The following CWC22 variants were observed in gnomAD, a reference collection of about 807,000 sequenced individuals.
CWC22 encodes pre-mRNA-splicing factor CWC22 homolog.
A neutral mutation model predicts 117.2 loss-of-function variants in CWC22; 53 were observed. The observed-to-expected ratio is 0.45, with a 90% CI of 0.36 to 0.57. The LOEUF (loss-of-function observed/expected upper bound fraction) is 0.57. Among genes scored for constraint, CWC22 ranks in the 20% least tolerant of loss-of-function variants. CWC22 has a pLI of 0.00. For synonymous variants in CWC22, 360 were observed against 355.6 expected (o/e 1.01, Z -0.14); for missense variants, 980 against 1,068.8 (o/e 0.92, Z 1.16).
chr2:179,954,880 A>T, intron 15 of CWC22, 77 bp downstream of exon 15: 1 of 896,460 alleles, frequency 1.1e-6, no homozygotes, highest in Middle Eastern at 2.3e-4. Flanking sequence ...TTTTTAAATG[A>T]GACCAGACCA....
At position 179,950,588 on chromosome 2, in the gene CWC22, G is replaced by A. The variant is rs1221319595; in HGVS notation, c.2064C>T (p.Asp688=). The A allele has an allele frequency of 6.2e-7, 1 of 1,613,398 alleles. No individual in the cohort carries two copies. The highest frequency in any genetic ancestry group is 8.5e-7 in the Non-Finnish European group (1 of 1,179,486). The change falls in exon 19 of 20, where the codon GAC becomes GAT. Residue 688 remains aspartate (D), a synonymous_variant. Coordinates refer to ENST00000410053, the MANE Select transcript of CWC22 (RefSeq NM_020943.3). ...AAGACTCTGAACTGCTATCACTGCTGTCAGAATCAGAGTCGGATGAGTCAG... is the reference window on the plus strand; with the variant it reads ...AAGACTCTGAACTGCTATCACTGCTATCAGAATCAGAGTCGGATGAGTCAG... ...SESDSSDSDS[D]SSDSSSESSS...
At chr2:179,999,954 G>C (rs72962580) in intron 1 of CWC22, among the ~76,000 whole-genome samples, 2,034 of 152,256 alleles carry the variant, frequency 0.013, 23 homozygotes, top group Non-Finnish European at 0.02. Context: ...GGAATTCTCA[G>C]AAAATACCTC....
At chr2:179,955,319 C>A (rs1253922853) in intron 14 of CWC22, among the ~76,000 whole-genome samples, 1 of 151,758 alleles carries the variant, frequency 6.6e-6, no homozygotes, top group Non-Finnish European at 1.5e-5. Flanking sequence ...GTATAGGAAA[C>A]AGACATATGA....
At chr2:179,956,510 C>A (rs948660770) in intron 14 of CWC22, among the ~76,000 whole-genome samples, 23 of 151,228 alleles carry the variant, frequency 1.5e-4, no homozygotes, top group African/African-American at 5.6e-4. Flanking sequence ...ACTCAAGGAA[C>A]AATCTACTCA....
chr2:179,952,543 A>T lies in CWC22; in HGVS notation c.1745T>A (p.Phe582Tyr), dbSNP rs535594961. Residue 582 changes from phenylalanine (F) to tyrosine (Y), a missense_variant, in exon 17 of 20, where the codon TTT becomes TAT. This residue lies in a region of CWC22 where 115 missense variants were observed against 169.8 expected (regional missense o/e 0.68). Coordinates refer to ENST00000410053, the MANE Select transcript of CWC22 (RefSeq NM_020943.3). ...CAGTTCCTGGAAAAATATTTTGACA[A>T]AAATTCTACTGGATGATGTAGTGGT... ...EETTTSSSRI[F>Y]VKIFFQELCE... is the part of the protein sequence containing the mutation. 33 of 1,543,282 alleles carry T rather than the reference A, an allele frequency of 2.1e-5. No individual in the cohort carries two copies. The highest frequency in any genetic ancestry group is 2.9e-5 in the Non-Finnish European group (33 of 1,138,010).
chr2:179,953,542 C>T (rs1686508378), intron 16 of CWC22, among the ~76,000 whole-genome samples: 4 of 152,196 alleles, frequency 2.6e-5, no homozygotes, highest in African/African-American at 9.6e-5. Context: ...ATGTATAATT[C>T]ACTCTGAATA....
At chr2:179,963,335 C>CTTTTTTTTT (rs774947016) in intron 13 of CWC22, among the ~76,000 whole-genome samples, 12 of 82,066 alleles carry the variant, frequency 1.5e-4, no homozygotes, top group East Asian at 4.3e-4. Flanking sequence ...ATATTTAATA[C>CTTTTTTTTT]TTTTTTTTTT....
chr2:179,951,697 C>T (rs970576541), intron 17 of CWC22, among the ~76,000 whole-genome samples: 3 of 152,010 alleles, frequency 2.0e-5, no homozygotes, highest in South Asian at 2.1e-4. Flanking sequence ...AGAGAGAAGA[C>T]GAGCCTGGTC....
At chr2:180,005,123 G>C (rs1687939865) in intron 1 of CWC22, among the ~76,000 whole-genome samples, 1 of 151,828 alleles carries the variant, frequency 6.6e-6, no homozygotes, top group African/African-American at 2.4e-5. Context: ...TTGCTAACAA[G>C]CTTCAAGGAG....
chr2:179,952,307 T>C (rs916087768), intron 17 of CWC22, among the ~76,000 whole-genome samples, 164 bp downstream of exon 17: 5 of 152,114 alleles, frequency 3.3e-5, no homozygotes, highest in Non-Finnish European at 5.9e-5. Context: ...AAAAGTTGCA[T>C]GTTGTCCTGT....
chr2:179,980,831 A>G (rs12999755), intron 5 of CWC22, among the ~76,000 whole-genome samples: 3 of 152,190 alleles, frequency 2.0e-5, no homozygotes, highest in Admixed American at 1.3e-4. Flanking sequence ...AACTATTAAT[A>G]CCTTCTATCC....
chr2:180,005,212 T>C (rs946684928), intron 1 of CWC22, among the ~76,000 whole-genome samples: 1 of 152,138 alleles, frequency 6.6e-6, no homozygotes, highest in Admixed American at 6.5e-5. Flanking sequence ...CTTTAACTTA[T>C]AACCAAGACA....
chr2:179,964,079 A>C (rs535265116), intron 13 of CWC22, among the ~76,000 whole-genome samples: 1 of 152,298 alleles, frequency 6.6e-6, no homozygotes, highest in African/African-American at 2.4e-5. Context: ...AAATCTTCCT[A>C]AGTCTAATTC....
At chr2:180,003,840 C>T (rs1056911704) in intron 1 of CWC22, among the ~76,000 whole-genome samples, 28 of 152,180 alleles carry the variant, frequency 1.8e-4, no homozygotes, top group Non-Finnish European at 8.8e-5. Flanking sequence ...CAGCCCATAC[C>T]CCGTTTTTGG....
At chr2:179,952,942 CA>C (rs1178648452) in intron 16 of CWC22, among the ~76,000 whole-genome samples, 1 of 151,982 alleles carries the variant, frequency 6.6e-6, no homozygotes, top group Admixed American at 6.6e-5. Context: ...AGGTTTGGGG[CA>C]AAATGCCACT....
chr2:179,978,133 T>C, intron 6 of CWC22, 57 bp downstream of exon 6: 3 of 1,405,238 alleles, frequency 2.1e-6, no homozygotes, highest in Middle Eastern at 2.7e-4. Flanking sequence ...CATGTAGATA[T>C]TATATTCCTT....
intron 7 of CWC22, 102 bp downstream of exon 7, chr2:179,973,532 T>A (rs766286723): frequency 1.2e-5 from 9 of 771,268 alleles, no homozygotes; most frequent in Non-Finnish European, 1.9e-5. Context: ...AAAAGCATTA[T>A]GTTATGTAGC....
At position 179,980,388 on chromosome 2, in the gene CWC22, C is replaced by A. The variant is rs1687255607; in HGVS notation, c.452+1364G>T. On this transcript the variant is annotated intron_variant, in intron 5 of 19. Transcript: ENST00000410053. ...TCGGTTTTAATTTATTTCAAATCTT[C>A]ATAGCTTCTTTTAGATAAATGACAT... 2.0e-5 allele frequency among the ~76,000 whole-genome samples: 3 copies of A among 151,164 alleles called. No individual in the cohort carries two copies. In the South Asian group the frequency reaches 6.3e-4, roughly 32 times the overall value.
chr2:179,959,732 C>T (rs1398602736), intron 13 of CWC22, among the ~76,000 whole-genome samples: 1 of 151,940 alleles, frequency 6.6e-6, no homozygotes, highest in Non-Finnish European at 1.5e-5. Flanking sequence ...ATTTATGTAT[C>T]TAAACACACT....
Sources: gnomAD v4.1 joint callset for allele counts (sites outside exome capture counted in the v4.1 genomes callset) on GRCh38, gnomAD v4.1.1 for gene constraint, gnomAD v4.1.1 regional missense constraint, MANE v1.5 for transcripts, NCBI Gene and HGNC (gene_info 2026-07-23, HGNC 2026-07-21) for gene names.